The following FMOD variants were observed in gnomAD, a reference collection of about 807,000 sequenced individuals.
The protein encoded by FMOD is fibromodulin.
A neutral mutation model predicts 27.0 loss-of-function variants in FMOD; 15 were observed. The ratio of observed to expected loss-of-function variants is 0.55; its 90% CI spans 0.37 to 0.85. FMOD has a LOEUF of 0.85. FMOD is among the 40% of genes least tolerant of loss of function. The pLI is 0.00. For synonymous variants in FMOD, 210 were observed against 214.0 expected (o/e 0.98, Z 0.16); for missense variants, 460 against 483.2 (o/e 0.95, Z 0.45).
chr1:203,349,412 T>C (rs1463921822), intron 1 of FMOD, among the ~76,000 whole-genome samples: 1 of 152,064 alleles, frequency 6.6e-6, no homozygotes, highest in African/African-American at 2.4e-5. Context: ...GCTAATGAGA[T>C]AGGAACAGGG....
Position 203,342,329 on chromosome 1 carries a change from G to A in FMOD, c.*14C>T, listed in dbSNP as rs369549642. On this transcript the variant is annotated 3_prime_UTR_variant, in exon 3 of 3. Transcript: ENST00000354955. ...CACGGGGGCTCTCCGCCCAGTACCC[G>A]GTGCCAGGGCTGCTCAGATCTCGAT... 87 of 1,602,262 alleles carry A rather than the reference G, an allele frequency of 5.4e-5. No homozygotes were observed. Among genetic ancestry groups the A allele is most frequent in the Non-Finnish European group, 6.9e-5 (81 of 1,171,436 alleles).
Position 203,341,961 on chromosome 1 carries a change from A to C in FMOD, c.*382T>G, listed in dbSNP as rs1658800955. Reference sequence around the variant, plus strand: ...GCCCAGCACAGAGGGAGAGCTGTCAAGTGCTGCTCACAGACAGCCAGGGAT... The same window carrying C: ...GCCCAGCACAGAGGGAGAGCTGTCACGTGCTGCTCACAGACAGCCAGGGAT... On this transcript the variant is annotated 3_prime_UTR_variant, in exon 3 of 3. Coordinates refer to ENST00000354955, the MANE Select transcript of FMOD (RefSeq NM_002023.5). 5.8e-6 allele frequency: 1 copy of C among 172,446 alleles called. No homozygotes were observed. The highest frequency in any genetic ancestry group is 1.2e-5 in the Non-Finnish European group (1 of 81,516). 10.7% of individuals were successfully genotyped at this position (172,446 alleles called of 1,614,324 possible). A position where few individuals can be genotyped will look rare whatever the true frequency, so the allele number is the denominator to read the frequency against.
chr1:203,342,968 A>G (rs1332736648), intron 2 of FMOD, among the ~76,000 whole-genome samples: 2 of 152,156 alleles, frequency 1.3e-5, no homozygotes, highest in African/African-American at 2.4e-5. Context: ...TACAGATAGA[A>G]AAAGTGGCAG....
intron 1 of FMOD, among the ~76,000 whole-genome samples, chr1:203,348,923 G>A (rs529434044): frequency 5.8e-4 from 88 of 152,336 alleles, no homozygotes; most frequent in Non-Finnish European, 8.5e-4. Flanking sequence ...GCCCTCCAAA[G>A]TGCCATCATC....
In FMOD at chr1:203,342,125, T is replaced by A; in HGVS notation, c.*218A>T. On this transcript the variant is annotated 3_prime_UTR_variant, in exon 3 of 3. Transcript: ENST00000354955. Reference sequence around the variant, plus strand: ...GGATCCTTCCATCTACCACCACTTCTGTCCCTGGAAAAGAGTGAGCTTCTG... The same window carrying A: ...GGATCCTTCCATCTACCACCACTTCAGTCCCTGGAAAAGAGTGAGCTTCTG... 1 of 518,950 alleles carries A rather than the reference T, an allele frequency of 1.9e-6. No homozygotes were observed. The highest frequency in any genetic ancestry group is 3.6e-5 in the Admixed American group (1 of 27,830). 32.1% of individuals were successfully genotyped at this position (518,950 alleles called of 1,614,324 possible).
intron 2 of FMOD, 84 bp from the exon 3 acceptor site, chr1:203,342,578 C>T (rs1244578049): frequency 2.1e-6 from 3 of 1,412,744 alleles, no homozygotes; most frequent in African/African-American, 2.9e-5. Flanking sequence ...CTTTGTGAAG[C>T]AGCTTAGATA....
At chr1:203,347,229 C>T in intron 2 of FMOD, 63 bp downstream of exon 2, 1 of 1,526,768 alleles carries the variant, frequency 6.5e-7, no homozygotes, top group East Asian at 2.3e-5. Context: ...CACTAGCACT[C>T]AGAATAGTGT....
Position 203,351,060 on chromosome 1 carries a change from C to T in FMOD, c.-35G>A, listed in dbSNP as rs1658990251. ...CAAGTTGAACTTTTCAGAGAGTGACCACGTCCCTCTGTCTGGCCTCCTTGG... is the reference window on the plus strand; with the variant it reads ...CAAGTTGAACTTTTCAGAGAGTGACTACGTCCCTCTGTCTGGCCTCCTTGG... On this transcript the variant is annotated 5_prime_UTR_variant, in exon 1 of 3. Transcript: ENST00000354955. The T allele has an allele frequency of 6.6e-6, 1 of 152,228 alleles. No homozygotes were observed. Among genetic ancestry groups the T allele is most frequent in the African/African-American group, 2.4e-5 (1 of 41,440 alleles). 9.4% of individuals were successfully genotyped at this position (152,228 alleles called of 1,614,324 possible).
At position 203,347,954 on chromosome 1, in the gene FMOD, C is replaced by G. The variant is rs202067923; in HGVS notation, c.317G>C (p.Arg106Pro). The G allele has an allele frequency of 2.6e-5, 42 of 1,606,452 alleles. No individual in the cohort carries two copies. Among genetic ancestry groups the G allele is most frequent in the Non-Finnish European group, 3.4e-5 (40 of 1,174,578 alleles). Residue 106 changes from arginine to proline, a missense_variant, in exon 2 of 3, where the codon CGC becomes CCC. Transcript: ENST00000354955. ...GTTCTGGAAGTACACATACTTCATG[C>G]GGGAGGGAACGAAGGGCAGGTACTT... Reference protein sequence around the residue: ...NLKYLPFVPSRMKYVYFQNNQ... With the variant: ...NLKYLPFVPSPMKYVYFQNNQ...
At chr1:203,346,657 C>T (rs920951358) in intron 2 of FMOD, among the ~76,000 whole-genome samples, 1 of 152,032 alleles carries the variant, frequency 6.6e-6, no homozygotes, top group Non-Finnish European at 1.5e-5. Flanking sequence ...GAACAAGTGC[C>T]GCATTCAGCT....
intron 2 of FMOD, among the ~76,000 whole-genome samples, chr1:203,343,314 A>G (rs576413155): frequency 8.9e-4 from 136 of 152,252 alleles, no homozygotes; most frequent in African/African-American, 3.0e-3. Flanking sequence ...GTTGCTATTA[A>G]CCCTGTTGTC....
chr1:203,342,072 G>A lies in FMOD; in HGVS notation c.*271C>T, dbSNP rs1011960916. ...GATCATTGGGAAGAACTTAAGAGCC[G>A]TGAGATTTATGGGGTTGGAACATCC... On this transcript the variant is annotated 3_prime_UTR_variant, in exon 3 of 3. Coordinates refer to ENST00000354955, the MANE Select transcript of FMOD (RefSeq NM_002023.5). 58 of 419,230 alleles carry A rather than the reference G, an allele frequency of 1.4e-4. No individual in the cohort carries two copies. The highest frequency in any genetic ancestry group is 6.2e-4 in the Middle Eastern group (1 of 1,608). The allele number at this position is 419,230 out of a possible 1,614,324, so 26.0% of individuals were successfully genotyped here.
Position 203,347,744 on chromosome 1 carries a change from C to A in FMOD, c.527G>T (p.Arg176Leu). 6.2e-7 allele frequency: 1 copy of A among 1,613,880 alleles called. No homozygotes were observed. The stretch of plus-strand genomic sequence containing the variant: ...GTCGAGATGGAGCTCTCTCAGGGAT[C>A]GAGGCAGGGGACCGGGCATCCGGGT... ...NLTRMPGPLP[R>L]SLRELHLDHN... The change falls in exon 2 of 3, where the codon CGA becomes CTA. Residue 176 changes from arginine to leucine, a missense_variant. Transcript: ENST00000354955.
intron 2 of FMOD, 47 bp from the exon 3 acceptor site, chr1:203,342,541 C>T (rs368364663): frequency 5.0e-5 from 79 of 1,581,330 alleles, no homozygotes; most frequent in South Asian, 9.0e-5. Flanking sequence ...GCCCAGATTA[C>T]GAACCTGAAG....
At position 203,342,229 on chromosome 1, in the gene FMOD, T is replaced by G; in HGVS notation, c.*114A>C. Reference sequence around the variant, plus strand: ...CTACAGGAAAGAAGACTACAGAGGGTGCCCGTGGACTTCTGTCACATGGTC... The same window carrying G: ...CTACAGGAAAGAAGACTACAGAGGGGGCCCGTGGACTTCTGTCACATGGTC... On this transcript the variant is annotated 3_prime_UTR_variant, in exon 3 of 3. Transcript: ENST00000354955. 2 of 1,309,588 alleles carry G rather than the reference T, an allele frequency of 1.5e-6. No homozygotes were observed. The highest frequency in any genetic ancestry group is 1.4e-5 in the South Asian group (1 of 69,436). 81.1% of individuals were successfully genotyped at this position (1,309,588 alleles called of 1,614,324 possible).
intron 2 of FMOD, among the ~76,000 whole-genome samples, chr1:203,342,778 A>AT (rs36084653): frequency 0.46 from 67,817 of 146,236 alleles, 17,020 homozygotes; most frequent in Non-Finnish European, 0.58. Context: ...CCTCTGGGAC[A>AT]TTTTTTTTTT....
At chr1:203,350,351 C>G (rs564818428) in intron 1 of FMOD, among the ~76,000 whole-genome samples, 75 of 152,224 alleles carry the variant, frequency 4.9e-4, no homozygotes, top group Non-Finnish European at 7.8e-4. Context: ...TCTGTAAGGT[C>G]GAAAGTTTCC....
At chr1:203,344,465 A>G (rs1281340307) in intron 2 of FMOD, among the ~76,000 whole-genome samples, 2 of 152,162 alleles carry the variant, frequency 1.3e-5, no homozygotes, top group Non-Finnish European at 2.9e-5. Flanking sequence ...ACATTTTTCT[A>G]GCCCAAATTA....
At position 203,347,380 on chromosome 1, in the gene FMOD, C is replaced by T. The variant is rs1258632676; in HGVS notation, c.891G>A (p.Glu297=). Residue 297 remains glutamate, a synonymous_variant, in exon 2 of 3, where the codon GAG becomes GAA. Coordinates refer to ENST00000354955, the MANE Select transcript of FMOD (RefSeq NM_002023.5). ...GCAGCTGGTTGTAGGAGAGGTCTAG[C>T]TCAAGGAGGCTGCTGGAATTGAAGG... The part of the protein sequence containing the change: ...SNTFNSSSLL[E]LDLSYNQLQK... 3 of 1,614,154 alleles carry T rather than the reference C, an allele frequency of 1.9e-6. No individual in the cohort carries two copies. Among genetic ancestry groups the T allele is most frequent in the Non-Finnish European group, 2.5e-6 (3 of 1,180,032 alleles).
Sources: allele counts gnomAD v4.1 joint callset (sites outside exome capture counted in the v4.1 genomes callset), GRCh38; gene constraint gnomAD v4.1.1; transcripts MANE v1.5; gene names NCBI Gene and HGNC (gene_info 2026-07-23, HGNC 2026-07-21).